Variants in TBL1X observed in about 807,000 individuals in gnomAD.
The protein encoded by TBL1X is F-box-like/WD repeat-containing protein TBL1X.
A neutral mutation model predicts 50.7 loss-of-function variants in TBL1X; 10 were observed. The ratio of observed to expected loss-of-function variants is 0.20; its 90% CI spans 0.12 to 0.33. The LOEUF (loss-of-function observed/expected upper bound fraction) is 0.33, where lower values mean the gene tolerates loss of function less well. Ranked by LOEUF, TBL1X falls within the 10% of genes least tolerant of loss-of-function variation. TBL1X has a pLI of 1.00. For missense variants in TBL1X, 340 were observed against 504.4 expected (o/e 0.67, Z 3.12); for synonymous variants, 190 against 214.7 (o/e 0.88, Z 1.01).
At chrX:9,691,474 T>A (rs1601842620) in intron 7 of TBL1X, 105 bp from the exon 8 acceptor site, 12 of 686,284 alleles carry the variant, frequency 1.7e-5, no homozygotes, top group Middle Eastern at 3.8e-4. Context: ...TCATCAGAGG[T>A]AGTATTTAGT....
intron 1 of TBL1X, among the ~76,000 whole-genome samples, chrX:9,493,896 T>C: frequency 8.9e-6 from 1 of 112,192 alleles, no homozygotes; most frequent in Non-Finnish European, 1.9e-5. Flanking sequence ...TTGAATTTAG[T>C]CCTGATGCTG....
At chrX:9,655,872 T>G (rs1390490268) in intron 5 of TBL1X, among the ~76,000 whole-genome samples, 1 of 112,153 alleles carries the variant, frequency 8.9e-6, no homozygotes, top group Non-Finnish European at 1.9e-5. Flanking sequence ...CCTGTTCATT[T>G]GAGCCTGGGT....
At chrX:9,612,016 C>T (rs1905858550) in intron 2 of TBL1X, among the ~76,000 whole-genome samples, 1 of 112,808 alleles carries the variant, frequency 8.9e-6, no homozygotes, top group Non-Finnish European at 1.9e-5. Context: ...CTTTCGATCG[C>T]CTGGGCGTTC....
intron 1 of TBL1X, among the ~76,000 whole-genome samples, chrX:9,486,511 A>G (rs7879936): frequency 0.26 from 28,340 of 109,703 alleles, 3,589 homozygotes; most frequent in African/African-American, 0.48. Context: ...AGCGATTATA[A>G]GCATGAGCTA....
intron 2 of TBL1X, among the ~76,000 whole-genome samples, chrX:9,583,541 A>G (rs1345935465): frequency 8.9e-6 from 1 of 111,765 alleles, no homozygotes; most frequent in African/African-American, 3.3e-5. Context: ...GGTCAATGGC[A>G]TATAAAGGAA....
chrX:9,609,696 A>T (rs940589821), intron 2 of TBL1X, among the ~76,000 whole-genome samples: 1 of 110,804 alleles, frequency 9.0e-6, no homozygotes, highest in African/African-American at 3.3e-5. Flanking sequence ...GTTGCGTGGC[A>T]GTGAGGAGGG....
At chrX:9,570,433 A>G (rs1316634791) in intron 2 of TBL1X, among the ~76,000 whole-genome samples, 2 of 111,506 alleles carry the variant, frequency 1.8e-5, no homozygotes, top group African/African-American at 3.3e-5. Context: ...GAATTTCTTT[A>G]TGATGGAATT....
intron 2 of TBL1X, among the ~76,000 whole-genome samples, chrX:9,533,018 G>T (rs1267098233): frequency 9.0e-6 from 1 of 111,617 alleles, no homozygotes; most frequent in Non-Finnish European, 1.9e-5. Flanking sequence ...CCAGCACAGG[G>T]TTTCTTCTGG....
At chrX:9,602,490 G>A (rs946238130) in intron 2 of TBL1X, among the ~76,000 whole-genome samples, 2 of 111,126 alleles carry the variant, frequency 1.8e-5, no homozygotes, top group African/African-American at 6.5e-5. Context: ...TCTGAGGTAC[G>A]GGGCTCAGAA....
intron 5 of TBL1X, among the ~76,000 whole-genome samples, chrX:9,662,994 TTTATG>T (rs756677190): frequency 1.8e-5 from 2 of 111,450 alleles, no homozygotes; most frequent in South Asian, 7.6e-4. Flanking sequence ...CATGATATAT[TTTATG>T]TTATATATAT....
At chrX:9,534,374 G>A (rs1218512001) in intron 2 of TBL1X, among the ~76,000 whole-genome samples, 1 of 111,037 alleles carries the variant, frequency 9.0e-6, no homozygotes, top group Non-Finnish European at 1.9e-5. Context: ...CGTATTATTC[G>A]TATAGGGTTC....
chrX:9,535,525 C>G (rs183686665), intron 2 of TBL1X, among the ~76,000 whole-genome samples: 320 of 112,493 alleles, frequency 2.8e-3, no homozygotes, highest in African/African-American at 1.0e-2. Flanking sequence ...TTTGTAAACA[C>G]GCAGCCCCCC....
intron 12 of TBL1X, among the ~76,000 whole-genome samples, chrX:9,704,213 C>T: frequency 8.9e-6 from 1 of 112,066 alleles, no homozygotes; most frequent in Non-Finnish European, 1.9e-5. Flanking sequence ...TTTTTATTGA[C>T]CCTAATTATC....
intron 2 of TBL1X, among the ~76,000 whole-genome samples, chrX:9,515,634 G>T (rs181428914): frequency 4.9e-4 from 55 of 112,284 alleles, no homozygotes; most frequent in Non-Finnish European, 9.2e-4. Context: ...AGTGAGGCAT[G>T]GAGTGAAATT....
intron 1 of TBL1X, among the ~76,000 whole-genome samples, chrX:9,487,214 C>A (rs1363951896): frequency 9.0e-6 from 1 of 111,714 alleles, no homozygotes; most frequent in East Asian, 2.8e-4. Context: ...AGTATTTTTA[C>A]AAAGTTGCAC....
chrX:9,537,244 T>C (rs887405910), intron 2 of TBL1X, among the ~76,000 whole-genome samples: 2 of 111,603 alleles, frequency 1.8e-5, no homozygotes, highest in Admixed American at 9.5e-5. Context: ...TATTCTTGTT[T>C]GGGCATATTG....
chrX:9,510,981 A>G (rs368326075), intron 2 of TBL1X, among the ~76,000 whole-genome samples: 3 of 111,764 alleles, frequency 2.7e-5, no homozygotes, highest in African/African-American at 9.7e-5. Flanking sequence ...AACAAACCCT[A>G]TTGGCACTGT....
chrX:9,480,346 T>G (rs149040684), intron 1 of TBL1X, among the ~76,000 whole-genome samples: 3,062 of 112,168 alleles, frequency 0.027, 51 homozygotes, highest in Non-Finnish European at 0.042. Context: ...TTCGGAGGAT[T>G]TTAAGGATCA....
At chrX:9,484,510 G>C (rs1042986453) in intron 1 of TBL1X, among the ~76,000 whole-genome samples, 1 of 110,797 alleles carries the variant, frequency 9.0e-6, no homozygotes, top group East Asian at 2.8e-4. Flanking sequence ...AAATCATATG[G>C]TATGTACTCA....
Sources: gnomAD v4.1 joint callset for allele counts (sites outside exome capture counted in the v4.1 genomes callset) on GRCh38, gnomAD v4.1.1 for gene constraint, MANE v1.5 for transcripts, NCBI Gene and HGNC (gene_info 2026-07-23, HGNC 2026-07-21) for gene names.